The following ANO1 variants were observed in gnomAD, a reference collection of about 807,000 sequenced individuals.
The protein encoded by ANO1 is anoctamin 1.
ANO1 carries 59 observed loss-of-function variants against 124.0 expected under a neutral mutation model. The ratio of observed to expected loss-of-function variants is 0.48; its 90% confidence interval spans 0.39 to 0.59. The LOEUF (loss-of-function observed/expected upper bound fraction) is 0.59. ANO1 is among the 20% of genes least tolerant of loss of function. The probability of loss-of-function intolerance (pLI) is 0.00; values close to 1 mark genes in which losing one functional copy is unlikely to be tolerated. For missense variants in ANO1, 1,059 were observed against 1,328.0 expected, an observed-to-expected ratio of 0.80 and a Z score of 3.15; for synonymous variants, 529 against 532.0, an observed-to-expected ratio of 0.99 and a Z score of 0.08.
chr11:70,178,127 A>C (rs1175528057), intron 22 of ANO1, among the ~76,000 whole-genome samples: 1 of 152,194 alleles, frequency 6.6e-6, no homozygotes, highest in Non-Finnish European at 1.5e-5. Context: ...ACACCAAGCT[A>C]GACCCAGAAT....
chr11:70,180,554 C>A (rs1019980000), intron 23 of ANO1, among the ~76,000 whole-genome samples: 1 of 152,052 alleles, frequency 6.6e-6, no homozygotes, highest in Non-Finnish European at 1.5e-5. Context: ...ATTACATTCA[C>A]GAGCCACTGC....
At position 70,157,758 on chromosome 11, in the gene ANO1, G is replaced by A. The variant is rs116781992; in HGVS notation, c.1578+737G>A. On this transcript the variant is annotated intron_variant, in intron 16 of 25. Coordinates refer to ENST00000355303, the MANE Select transcript of ANO1 (RefSeq NM_018043.7). ...TGTATTCCCAGCACTTTGGGAGGCC[G>A]AGGCAGGAAGATTGCTTGAGCTTAA... Among the ~76,000 whole-genome samples the A allele has an allele frequency of 7.5e-3, 1,146 of 152,250 alleles. 19 individuals carry two copies. Among genetic ancestry groups the A allele is most frequent in the African/African-American group, 0.026 (1,077 of 41,538 alleles).
chr11:70,030,833 A>G (rs1165769906), intron 1 of ANO1, among the ~76,000 whole-genome samples: 4 of 152,210 alleles, frequency 2.6e-5, no homozygotes, highest in Non-Finnish European at 5.9e-5. Flanking sequence ...CCACCCCTCC[A>G]CCAGCTGGAA....
At chr11:69,977,580 C>G in the ANO1 span, among the ~76,000 whole-genome samples, 5 of 152,368 alleles carry the variant, frequency 3.3e-5, no homozygotes, top group East Asian at 1.9e-4. Context: ...GCCCTTAGGT[C>G]TGAGGACTGG....
intron 11 of ANO1, among the ~76,000 whole-genome samples, chr11:70,142,969 G>C (rs2047214149): frequency 6.6e-6 from 1 of 152,168 alleles, no homozygotes; most frequent in African/African-American, 2.4e-5. Context: ...CATCACCTGG[G>C]GGGTCAGGGC....
intron 8 of ANO1, among the ~76,000 whole-genome samples, chr11:70,117,100 C>CTTTTTTT (rs756764991): frequency 8.1e-5 from 5 of 61,524 alleles, no homozygotes; most frequent in African/African-American, 1.3e-4. Flanking sequence ...TTGTTTCTTT[C>CTTTTTTT]TTTTTTTTTT....
chr11:70,011,732 A>G (rs1856601167), intron 1 of ANO1, among the ~76,000 whole-genome samples: 1 of 152,058 alleles, frequency 6.6e-6, no homozygotes, highest in Admixed American at 6.5e-5. Context: ...GTATTCTTAG[A>G]TCATCCCCTG....
At chr11:69,970,980 G>T in the ANO1 span, among the ~76,000 whole-genome samples, 8 of 152,224 alleles carry the variant, frequency 5.3e-5, no homozygotes, top group Non-Finnish European at 7.3e-5. Context: ...CCTGAACTTA[G>T]TCCATGGCCA....
At chr11:70,187,358 C>T (rs2049174224) in intron 25 of ANO1, among the ~76,000 whole-genome samples, 1 of 152,226 alleles carries the variant, frequency 6.6e-6, no homozygotes, top group African/African-American at 2.4e-5. Context: ...GGACGCTTTG[C>T]AAACTGTAAA....
chr11:70,110,960 C>T (rs1382311099), intron 6 of ANO1, among the ~76,000 whole-genome samples: 2 of 152,248 alleles, frequency 1.3e-5, no homozygotes, highest in Non-Finnish European at 2.9e-5. Context: ...CCAGTGCAGG[C>T]CCTGGGGGCC....
At chr11:70,016,415 G>A (rs548970730) in intron 1 of ANO1, 1 of 152,400 alleles carries the variant, frequency 6.6e-6, no homozygotes, top group South Asian at 2.1e-4. Context: ...ATCGGATATG[G>A]TGGCGGCTTA....
intron 11 of ANO1, among the ~76,000 whole-genome samples, chr11:70,140,741 T>C (rs1473660036): frequency 6.6e-6 from 1 of 152,214 alleles, no homozygotes; most frequent in East Asian, 1.9e-4. Flanking sequence ...AATTACTATA[T>C]TTTGTGAGAA....
the ANO1 span, among the ~76,000 whole-genome samples, chr11:69,966,195 C>T: frequency 6.6e-6 from 1 of 152,346 alleles, no homozygotes; most frequent in African/African-American, 2.4e-5. Flanking sequence ...GCAACCGTGG[C>T]TTTTCAAAGC....
rs545873660 is a variant in ANO1 at position 70,136,960 on chromosome 11, G to C, written c.1258+4881G>C. On this transcript the variant is annotated intron_variant, in intron 11 of 25. Transcript: ENST00000355303. ...ACGCTGAGCTGGGCTGGCCAGGGAG[G>C]GGGTGAGCGCCCCGTGCTGGGAAGC... 1.4e-3 allele frequency among the ~76,000 whole-genome samples: 207 copies of C among 147,306 alleles called. 9 individuals are homozygous for C. The highest frequency in any genetic ancestry group is 4.7e-3 in the African/African-American group (195 of 41,312).
At chr11:70,111,596 C>A in intron 6 of ANO1, 111 bp from the exon 7 acceptor site, 3 of 1,069,680 alleles carry the variant, frequency 2.8e-6, no homozygotes, top group Admixed American at 1.8e-5. Context: ...AGGTTCGTTT[C>A]ATTTTGAGAA....
At chr11:70,162,212 T>G (rs1429092574) in intron 18 of ANO1, among the ~76,000 whole-genome samples, 3 of 143,076 alleles carry the variant, frequency 2.1e-5, no homozygotes, top group East Asian at 4.3e-4. Flanking sequence ...CCCCGGGCAG[T>G]GGGGACCCCA....
At chr11:70,133,501 G>T (rs1156605415) in intron 11 of ANO1, among the ~76,000 whole-genome samples, 4 of 152,196 alleles carry the variant, frequency 2.6e-5, no homozygotes, top group Non-Finnish European at 5.9e-5. Context: ...GAAGCACCCA[G>T]CAGGTTGGGC....
At chr11:70,104,556 C>T (rs2045416947) in intron 4 of ANO1, among the ~76,000 whole-genome samples, 1 of 152,198 alleles carries the variant, frequency 6.6e-6, no homozygotes, top group African/African-American at 2.4e-5. Context: ...AATTGAAAAG[C>T]ATCCCCAGGC....
chr11:70,170,172 G>T (rs2048402570), intron 21 of ANO1: 1 of 455,686 alleles, frequency 2.2e-6, no homozygotes, highest in South Asian at 1.5e-5. Context: ...ATGCAGGCAG[G>T]TCCCCCAGGT....
Sources: allele counts gnomAD v4.1 joint callset (sites outside exome capture counted in the v4.1 genomes callset), GRCh38; gene constraint gnomAD v4.1.1; transcripts MANE v1.5; gene names NCBI Gene and HGNC (gene_info 2026-07-23, HGNC 2026-07-21).